GOSR1: variants seen among roughly 807,000 people sequenced by gnomAD.
The protein encoded by GOSR1 is golgi SNAP receptor complex member 1, also known as 28 kDa Golgi SNARE protein.
GOSR1 carries 21 observed loss-of-function variants against 35.5 expected under a neutral mutation model. The observed-to-expected ratio is 0.59, with a 90% confidence interval of 0.42 to 0.85. GOSR1 has a LOEUF of 0.85. Ranked by LOEUF, GOSR1 falls within the 40% of genes least tolerant of loss-of-function variation. GOSR1 has a pLI of 0.00. For missense variants in GOSR1, 285 were observed against 309.6 expected (o/e 0.92, Z 0.60); for synonymous variants, 94 against 106.6 (o/e 0.88, Z 0.73).
At chr17:30,502,295 C>G (rs1967240164) in intron 6 of GOSR1, among the ~76,000 whole-genome samples, 1 of 152,190 alleles carries the variant, frequency 6.6e-6, no homozygotes, top group Non-Finnish European at 1.5e-5. Context: ...GACAAAACCC[C>G]TACCACCGTG....
Position 30,506,025 on chromosome 17 carries a change from C to T in GOSR1, c.510-4855C>T, listed in dbSNP as rs531031337. Among the ~76,000 whole-genome samples, 178 of 152,286 alleles carry T rather than the reference C, an allele frequency of 1.2e-3. No individual in the cohort carries two copies. The Middle Eastern group carries it at 0.014, about 12-fold the overall frequency. ...GATTACAGGCATGAGCCACCGTGCC[C>T]GGCCAGTTGTGTGTGTTCTGACTGT... is the stretch of plus-strand genomic sequence containing the variant. On this transcript the variant is annotated intron_variant, in intron 6 of 8. Coordinates refer to ENST00000451249, the MANE Select transcript of GOSR1 (RefSeq NM_001007025.2).
intron 7 of GOSR1, among the ~76,000 whole-genome samples, chr17:30,513,402 G>T (rs1006125027): frequency 5.3e-5 from 8 of 152,170 alleles, no homozygotes; most frequent in Admixed American, 1.3e-4. Flanking sequence ...CTTATATTTT[G>T]CTTCTAAATA....
chr17:30,509,274 TA>T (rs2143839676), intron 6 of GOSR1, among the ~76,000 whole-genome samples: 1 of 151,154 alleles, frequency 6.6e-6, no homozygotes, highest in Non-Finnish European at 1.5e-5. Flanking sequence ...CGTGCCCAGC[TA>T]AATTTTGTAT....
At chr17:30,496,680 A>C (rs559443313) in intron 6 of GOSR1, among the ~76,000 whole-genome samples, 2 of 152,202 alleles carry the variant, frequency 1.3e-5, no homozygotes, top group African/African-American at 2.4e-5. Context: ...TCTCCTTCCC[A>C]GAGATGGCAG....
At chr17:30,485,138 G>T (rs1187084665) in intron 4 of GOSR1, 1 of 320,370 alleles carries the variant, frequency 3.1e-6, no homozygotes, top group African/African-American at 2.1e-5. Flanking sequence ...AATATGGAGG[G>T]GGAATTATTT....
chr17:30,477,420 G>A lies in GOSR1; in HGVS notation c.-14G>A. The A allele has an allele frequency of 2.5e-6, 4 of 1,609,382 alleles. No individual in the cohort carries two copies. Among genetic ancestry groups the A allele is most frequent in the Non-Finnish European group, 3.4e-6 (4 of 1,177,252 alleles). On this transcript the variant is annotated 5_prime_UTR_variant, in exon 1 of 9. Transcript: ENST00000451249. The stretch of plus-strand genomic sequence containing the variant: ...CCTCTGCTCCCCTATCCCGGCTGAC[G>A]TTGGACGACAAAGATGGCGGCAGGG...
At chr17:30,510,351 G>A (rs1299081892) in intron 6 of GOSR1, among the ~76,000 whole-genome samples, 1 of 151,890 alleles carries the variant, frequency 6.6e-6, no homozygotes, top group South Asian at 2.1e-4. Context: ...TGGGATTACC[G>A]GCGTGAGCCA....
intron 4 of GOSR1, 179 bp downstream of exon 4, chr17:30,484,949 C>T (rs1006538218): frequency 3.1e-6 from 2 of 636,394 alleles, no homozygotes; most frequent in Admixed American, 2.6e-5. Flanking sequence ...TTATAAAATT[C>T]TGAAAATATC....
At chr17:30,493,244 T>A (rs1029836379) in intron 6 of GOSR1, among the ~76,000 whole-genome samples, 1 of 152,146 alleles carries the variant, frequency 6.6e-6, no homozygotes, top group Non-Finnish European at 1.5e-5. Flanking sequence ...TCCACCCACC[T>A]TGGCCTCCCA....
At chr17:30,501,851 C>T (rs570927870) in intron 6 of GOSR1, among the ~76,000 whole-genome samples, 1 of 152,338 alleles carries the variant, frequency 6.6e-6, no homozygotes, top group South Asian at 2.1e-4. Flanking sequence ...CAGTCATGCT[C>T]CTAGTGATTT....
chr17:30,505,934 G>T (rs1431921169), intron 6 of GOSR1, among the ~76,000 whole-genome samples: 2 of 152,044 alleles, frequency 1.3e-5, no homozygotes, highest in African/African-American at 4.8e-5. Context: ...CATTATATTG[G>T]CCAAGCTAGT....
intron 8 of GOSR1, among the ~76,000 whole-genome samples, chr17:30,521,306 C>T (rs988147289): frequency 6.6e-6 from 1 of 150,556 alleles, no homozygotes; most frequent in Non-Finnish European, 1.5e-5. Flanking sequence ...CCTCAGCCTT[C>T]TGAGTAGCTG....
chr17:30,516,497 C>T (rs192271338), intron 7 of GOSR1, among the ~76,000 whole-genome samples: 138 of 140,046 alleles, frequency 9.9e-4, no homozygotes, highest in Non-Finnish European at 1.6e-3. Flanking sequence ...AAGAAAAAGT[C>T]AGTCTCCTGG....
At position 30,527,472 on chromosome 17, in the gene GOSR1, C is replaced by G. The variant is rs1968201373; in HGVS notation, c.*5094C>G. 1 of 152,210 alleles carries G rather than the reference C, an allele frequency of 6.6e-6. No individual in the cohort carries two copies. Among genetic ancestry groups the G allele is most frequent in the South Asian group, 2.1e-4 (1 of 4,830 alleles). The allele number at this position is 152,210 out of a possible 1,614,324, so 9.4% of individuals were successfully genotyped here. Reference sequence around the variant, plus strand: ...ATCCAGCCAGTGATCAATTCCTCTTCTATAAAATGGTGATAAGGATGGCTA... The same window carrying G: ...ATCCAGCCAGTGATCAATTCCTCTTGTATAAAATGGTGATAAGGATGGCTA... On this transcript the variant is annotated 3_prime_UTR_variant, in exon 9 of 9. Transcript: ENST00000451249.
At chr17:30,495,145 G>C (rs141535350) in intron 6 of GOSR1, among the ~76,000 whole-genome samples, 1,508 of 132,874 alleles carry the variant, frequency 0.011, 32 homozygotes, top group African/African-American at 0.04. Context: ...CCAAGATCAC[G>C]CTACTGCACT....
intron 2 of GOSR1, 37 bp downstream of exon 2, chr17:30,481,294 A>C: frequency 6.6e-7 from 1 of 1,505,998 alleles, no homozygotes; most frequent in Non-Finnish European, 9.1e-7. Flanking sequence ...CTATGCCTTA[A>C]CTGTGTTTTT....
rs1968111255 is a variant in GOSR1 at position 30,523,364 on chromosome 17, G to GTGCCC, written c.*986_*987insTGCCC. The GTGCCC allele has an allele frequency of 5.6e-6, 1 of 179,162 alleles. No homozygotes were observed. Among genetic ancestry groups the GTGCCC allele is most frequent in the African/African-American group, 2.4e-5 (1 of 41,694 alleles). The allele number at this position is 179,162 out of a possible 1,614,324, so 11.1% of individuals were successfully genotyped here. On this transcript the variant is annotated 3_prime_UTR_variant, in exon 9 of 9. Coordinates refer to ENST00000451249, the MANE Select transcript of GOSR1 (RefSeq NM_001007025.2). ...CCGGCCGCGACCCCGTCTGGGAGGT[G>GTGCCC]AGGAGCGTCTCTGTCTGGCCACCCC...
chr17:30,482,367 ATAAT>A (rs1914412935), intron 2 of GOSR1, among the ~76,000 whole-genome samples: 1 of 152,224 alleles, frequency 6.6e-6, no homozygotes, highest in African/African-American at 2.4e-5. Context: ...CTAATTAATA[ATAAT>A]TTTGATAGCT....
Position 30,523,649 on chromosome 17 carries a change from C to G in GOSR1, c.*1271C>G, listed in dbSNP as rs1968126208. ...GGGGGGCGCCTCTGCCCGGCCGCCC[C>G]TGCCCGGCCGCCCCTACTGGGAAGT... On this transcript the variant is annotated 3_prime_UTR_variant, in exon 9 of 9. Transcript: ENST00000451249. 2.7e-5 allele frequency: 1 copy of G among 36,814 alleles called. No individual in the cohort carries two copies. The highest frequency in any genetic ancestry group is 4.3e-4 in the South Asian group (1 of 2,320). The allele number at this position is 36,814 out of a possible 1,614,324, so 2.3% of individuals were successfully genotyped here.
Sources: allele counts gnomAD v4.1 joint callset (sites outside exome capture counted in the v4.1 genomes callset), GRCh38; gene constraint gnomAD v4.1.1; transcripts MANE v1.5; gene names NCBI Gene and HGNC (gene_info 2026-07-23, HGNC 2026-07-21).